Variants in SMCO1 observed in about 807,000 individuals in gnomAD.
SMCO1 encodes the protein single-pass membrane protein with coiled-coil domains 1.
A neutral mutation model predicts 7.5 loss-of-function variants in SMCO1; 9 were observed. That is an observed-to-expected ratio of 1.20 (90% confidence interval 0.72 to 2.09). The LOEUF is 2.09. Among genes scored for constraint, SMCO1 ranks in the 30% most tolerant of loss-of-function variants. The pLI is 0.00. For missense variants in SMCO1, 219 were observed against 253.1 expected (o/e 0.87, Z 0.91); for synonymous variants, 90 against 93.8 (o/e 0.96, Z 0.23).
chr3:196,509,780 C>CT (rs11337372), intron 1 of SMCO1, 111 bp from the exon 2 acceptor site: 17,268 of 701,926 alleles, frequency 0.025, 13 homozygotes, highest in Non-Finnish European at 0.026. Context: ...ATTTGGATAA[C>CT]TTTTTTTTTT....
chr3:196,519,310 C>G (rs757934234), upstream of SMCO1, among the ~76,000 whole-genome samples: 1 of 152,146 alleles, frequency 6.6e-6, no homozygotes, highest in African/African-American at 2.4e-5. Flanking sequence ...AGTCCTCGTG[C>G]GAGCACGTGG....
upstream of SMCO1, among the ~76,000 whole-genome samples, chr3:196,519,593 T>G (rs554326383): frequency 2.0e-5 from 3 of 152,268 alleles, no homozygotes; most frequent in Non-Finnish European, 4.4e-5. Flanking sequence ...ACTTAATTAG[T>G]AAGGGGATTT....
At chr3:196,515,364 A>C, upstream of SMCO1, 1 of 618,478 alleles carries the variant, frequency 1.6e-6, no homozygotes. Context: ...CACTCAGTAC[A>C]AGAAGCTTTT....
upstream of SMCO1, among the ~76,000 whole-genome samples, chr3:196,518,197 C>T (rs1733428657): frequency 6.6e-6 from 1 of 152,220 alleles, no homozygotes; most frequent in African/African-American, 2.4e-5. Flanking sequence ...TTGTGGGCTA[C>T]GTGAATGCCA....
intron 2 of SMCO1, among the ~76,000 whole-genome samples, chr3:196,508,949 A>AAG (rs1173502789): frequency 2.7e-5 from 4 of 149,500 alleles, no homozygotes; most frequent in African/African-American, 1.0e-4. Flanking sequence ...AAAAAAAAAA[A>AAG]AAAAGAAAAA....
rs142501894 is a variant in SMCO1 at position 196,510,081 on chromosome 3, C to G, written c.51-412G>C. Among the ~76,000 whole-genome samples, 1,519 of 152,300 alleles carry G rather than the reference C, an allele frequency of 1.0e-2. 24 individuals are homozygous for G. Among genetic ancestry groups the G allele is most frequent in the Middle Eastern group, 0.034 (10 of 294 alleles). On this transcript the variant is annotated intron_variant, in intron 1 of 2. Coordinates refer to ENST00000397537, the MANE Select transcript of SMCO1 (RefSeq NM_001077657.3). ...TCCCAGGCTCAAGTGATCTTCCCAC[C>G]TCAGCCTCCCGAGTAGCTAGGACTA... is the stretch of plus-strand genomic sequence containing the variant.
At chr3:196,515,645 C>G (rs1259887171), upstream of SMCO1, among the ~76,000 whole-genome samples, 1 of 151,936 alleles carries the variant, frequency 6.6e-6, no homozygotes, top group Non-Finnish European at 1.5e-5. Flanking sequence ...TTGAAGAGTG[C>G]CCCAGATCTT....
chr3:196,508,435 C>A, intron 2 of SMCO1, 104 bp from the exon 3 acceptor site: 2 of 815,716 alleles, frequency 2.5e-6, no homozygotes, highest in Non-Finnish European at 3.6e-6. Flanking sequence ...CTAGGAGAAC[C>A]AGCTGTTGTA....
chr3:196,509,613 T>C lies in SMCO1; in HGVS notation c.107A>G (p.Lys36Arg). The C allele has an allele frequency of 1.9e-6, 3 of 1,614,100 alleles. No homozygotes were observed. Among genetic ancestry groups the C allele is most frequent in the Non-Finnish European group, 2.5e-6 (3 of 1,179,968 alleles). The change falls in exon 2 of 3, where the codon AAG becomes AGG. Residue 36 changes from lysine (K) to arginine (R), a missense_variant. Lys to Arg is a conservative substitution (Grantham distance 26). Coordinates refer to ENST00000397537, the MANE Select transcript of SMCO1 (RefSeq NM_001077657.3). ...ETQFKELDFT[K>R]DNLMQKFEHH... is the part of the protein sequence containing the mutation. ...TTCGAATTTCTGCATCAGGTTATCC[T>C]TGGTGAAGTCTAGTTCTTTGAACTG...
chr3:196,515,666 G>T (rs1292664552), upstream of SMCO1, among the ~76,000 whole-genome samples: 2 of 151,920 alleles, frequency 1.3e-5, no homozygotes, highest in African/African-American at 4.8e-5. Flanking sequence ...TTATGATGAT[G>T]ATATCAAAGC....
Sources: allele counts gnomAD v4.1 joint callset (sites outside exome capture counted in the v4.1 genomes callset), GRCh38; gene constraint gnomAD v4.1.1; transcripts MANE v1.5; gene names NCBI Gene and HGNC (gene_info 2026-07-23, HGNC 2026-07-21).